The following MGAT5 variants were observed in gnomAD, a reference collection of about 807,000 sequenced individuals.
MGAT5 encodes the protein alpha-1,6-mannosylglycoprotein 6-beta-N-acetylglucosaminyltransferase.
In MGAT5, 30 loss-of-function variants were observed where a neutral mutation model predicts 94.3. That is an observed-to-expected ratio of 0.32 (90% CI 0.24 to 0.43). The LOEUF is 0.43. Ranked by LOEUF, MGAT5 falls within the 20% of genes least tolerant of loss-of-function variation. The pLI is 1.00. For missense variants in MGAT5, 691 were observed against 905.5 expected (o/e 0.76, Z 3.04); for synonymous variants, 310 against 322.9 (o/e 0.96, Z 0.43).
intron 1 of MGAT5, among the ~76,000 whole-genome samples, chr2:134,139,877 A>G (rs1188482443): frequency 6.6e-6 from 1 of 152,188 alleles, no homozygotes; most frequent in Non-Finnish European, 1.5e-5. Flanking sequence ...GGTGCTGGTT[A>G]TGCACTTGCT....
chr2:134,232,829 G>A (rs191299238), intron 1 of MGAT5, among the ~76,000 whole-genome samples: 31 of 152,258 alleles, frequency 2.0e-4, no homozygotes, highest in African/African-American at 7.5e-4. Flanking sequence ...GGTTGTTATG[G>A]TGTGTTATGG....
At chr2:134,302,258 G>A (rs531975697) in intron 2 of MGAT5, among the ~76,000 whole-genome samples, 2 of 152,214 alleles carry the variant, frequency 1.3e-5, no homozygotes, top group East Asian at 3.9e-4. Context: ...TACAGAGATT[G>A]TAATATATTT....
intron 15 of MGAT5, among the ~76,000 whole-genome samples, chr2:134,442,724 A>G (rs918748944): frequency 3.9e-5 from 6 of 152,142 alleles, no homozygotes; most frequent in Non-Finnish European, 7.3e-5. Flanking sequence ...CCTCTCACCC[A>G]TGATCTTTGA....
At chr2:134,230,877 A>C (rs1681327306) in intron 1 of MGAT5, among the ~76,000 whole-genome samples, 1 of 152,172 alleles carries the variant, frequency 6.6e-6, no homozygotes, top group Non-Finnish European at 1.5e-5. Context: ...CGCTCATAGC[A>C]GTTTTATTCA....
rs1165715092 is a variant in MGAT5 at position 134,347,819 on chromosome 2, A to G, written c.1113-1986A>G. On this transcript the variant is annotated intron_variant, in intron 8 of 15. Transcript: ENST00000281923. The stretch of plus-strand genomic sequence containing the variant: ...GACTGTTGGAGTCAATTGCCAATAA[A>G]TGGAAGAAGCTGAGCCTTCAAGCCA... Among the ~76,000 whole-genome samples, 4 of 152,258 alleles carry G rather than the reference A, an allele frequency of 2.6e-5. No homozygotes were observed. In the South Asian group the frequency reaches 8.3e-4, roughly 32 times the overall value.
At chr2:134,328,185 A>G (rs1462015076) in intron 4 of MGAT5, among the ~76,000 whole-genome samples, 2 of 152,054 alleles carry the variant, frequency 1.3e-5, no homozygotes, top group East Asian at 1.9e-4. Context: ...TTTGTGGCAC[A>G]CTGAACACTT....
chr2:134,224,620 G>A (rs181509805), intron 1 of MGAT5, among the ~76,000 whole-genome samples: 1 of 152,226 alleles, frequency 6.6e-6, no homozygotes, highest in East Asian at 1.9e-4. Flanking sequence ...TAAAGCCTAG[G>A]CACTTGGAGT....
intron 10 of MGAT5, among the ~76,000 whole-genome samples, chr2:134,387,321 TA>T (rs1209088419): frequency 0.016 from 832 of 52,594 alleles, 18 homozygotes; most frequent in Non-Finnish European, 0.02. Flanking sequence ...TATATATATA[TA>T]TATATATATA....
intron 15 of MGAT5, among the ~76,000 whole-genome samples, chr2:134,444,015 G>A (rs890240008): frequency 1.2e-4 from 19 of 152,176 alleles, no homozygotes; most frequent in African/African-American, 4.1e-4. Context: ...CCCTACAAAG[G>A]CAGGCCACCT....
intron 2 of MGAT5, among the ~76,000 whole-genome samples, chr2:134,276,137 T>C (rs1304717687): frequency 6.6e-6 from 1 of 152,028 alleles, no homozygotes; most frequent in Non-Finnish European, 1.5e-5. Flanking sequence ...TCCCTTTTCC[T>C]AGCAAGGCTG....
chr2:134,306,976 C>G (rs1436737249), intron 2 of MGAT5, among the ~76,000 whole-genome samples: 1 of 152,104 alleles, frequency 6.6e-6, no homozygotes, highest in Non-Finnish European at 1.5e-5. Context: ...CAGGAGCAGG[C>G]CTCTTCCTAA....
chr2:134,222,779 T>A (rs796586199), intron 1 of MGAT5, among the ~76,000 whole-genome samples: 1 of 105,314 alleles, frequency 9.5e-6, no homozygotes, highest in East Asian at 2.8e-4. Context: ...AATTAATTGT[T>A]CTAGGCCATA....
At chr2:134,143,061 G>A (rs1329745313) in intron 1 of MGAT5, among the ~76,000 whole-genome samples, 1 of 152,166 alleles carries the variant, frequency 6.6e-6, no homozygotes, top group Admixed American at 6.5e-5. Context: ...GGCTGGGAGA[G>A]CACCAAAGGG....
intron 15 of MGAT5, 21 bp downstream of exon 15, chr2:134,441,936 G>GT: frequency 6.2e-7 from 1 of 1,607,332 alleles, no homozygotes; most frequent in Non-Finnish European, 8.5e-7. Context: ...TGGGGTGGGG[G>GT]TGGGGACTCA....
intron 14 of MGAT5, among the ~76,000 whole-genome samples, chr2:134,430,651 A>C (rs1684828658): frequency 6.6e-6 from 1 of 152,140 alleles, no homozygotes; most frequent in Non-Finnish European, 1.5e-5. Flanking sequence ...CATGCTAATA[A>C]AACTGCACCG....
chr2:134,260,682 A>G (rs2105558501), intron 1 of MGAT5, among the ~76,000 whole-genome samples: 1 of 148,814 alleles, frequency 6.7e-6, no homozygotes, highest in African/African-American at 2.5e-5. Flanking sequence ...AGGAATAGGA[A>G]TGGTTTCTTT....
At chr2:134,323,055 C>A (rs1687425818) in intron 4 of MGAT5, among the ~76,000 whole-genome samples, 1 of 152,178 alleles carries the variant, frequency 6.6e-6, no homozygotes, top group South Asian at 2.1e-4. Flanking sequence ...ACTCTTCCTT[C>A]ATTTTTCTTT....
intron 2 of MGAT5, among the ~76,000 whole-genome samples, chr2:134,302,364 A>G (rs1686069144): frequency 6.6e-6 from 1 of 152,164 alleles, no homozygotes; most frequent in South Asian, 2.1e-4. Flanking sequence ...AATGTCTTAC[A>G]TCTATAAAGG....
At position 134,247,942 on chromosome 2, in the gene MGAT5, C is replaced by T. The variant is rs547147405; in HGVS notation, c.-142-6320C>T. On this transcript the variant is annotated intron_variant, in intron 1 of 16. Transcript: ENST00000409645. ...ACAAGTGGCCTCCAAGAAAGGTTCC[C>T]GGGTATTTTCCCCTCCATCCCTTGT... is the stretch of plus-strand genomic sequence containing the variant. 5.3e-5 allele frequency among the ~76,000 whole-genome samples: 8 copies of T among 152,250 alleles called. 1 individual carries two copies. The East Asian group carries it at 1.2e-3, about 22-fold the overall frequency.
Sources: allele counts gnomAD v4.1 joint callset (sites outside exome capture counted in the v4.1 genomes callset), GRCh38; gene constraint gnomAD v4.1.1; transcripts MANE v1.5; gene names NCBI Gene and HGNC (gene_info 2026-07-23, HGNC 2026-07-21).